XPO1: variants seen among roughly 807,000 people sequenced by gnomAD.
XPO1 encodes the protein exportin 1.
XPO1 carries 5 observed loss-of-function variants against 133.3 expected under a neutral mutation model. That is an observed-to-expected ratio of 0.04 (90% CI 0.02 to 0.08). The LOEUF is 0.08. Ranked by LOEUF, XPO1 falls within the 10% of genes least tolerant of loss-of-function variation. XPO1 has a pLI of 1.00. For missense variants in XPO1, 506 were observed against 1,267.5 expected, an observed-to-expected ratio of 0.40 and a Z score of 9.12; for synonymous variants, 419 against 408.2, an observed-to-expected ratio of 1.03 and a Z score of -0.32.
Position 61,492,304 on chromosome 2 carries a change from A to G in XPO1, c.1723+21T>C. The G allele has an allele frequency of 6.3e-7, 1 of 1,583,092 alleles. No individual in the cohort carries two copies. Among genetic ancestry groups the G allele is most frequent in the Non-Finnish European group, 8.5e-7 (1 of 1,171,076 alleles). On this transcript the variant is annotated intron_variant, in intron 15 of 24. Transcript: ENST00000401558. The surrounding 1 kb of genome is among the most constrained non-coding windows in gnomAD (Gnocchi z 5.6). ...TCTTCAATAAAAATAAAAGCAAAATATAGTAAAGAAAGAGATTTACCATGC... is the reference window on the plus strand; with the variant it reads ...TCTTCAATAAAAATAAAAGCAAAATGTAGTAAAGAAAGAGATTTACCATGC...
intron 10 of XPO1, 116 bp from the exon 11 acceptor site, chr2:61,495,729 T>C: frequency 9.3e-7 from 1 of 1,073,902 alleles, no homozygotes; most frequent in Non-Finnish European, 1.2e-6. Flanking sequence ...TGGAGTGCAG[T>C]GGTATGACCA....
chr2:61,522,520 A>G, intron 4 of XPO1, 91 bp downstream of exon 4: 2 of 1,136,148 alleles, frequency 1.8e-6, no homozygotes, highest in Admixed American at 2.0e-5. Flanking sequence ...AAATATACTA[A>G]AGATTCATTA....
At chr2:61,528,520 C>T (rs780471653) in intron 2 of XPO1, among the ~76,000 whole-genome samples, 1 of 151,666 alleles carries the variant, frequency 6.6e-6, no homozygotes, top group Admixed American at 6.6e-5. Flanking sequence ...ATAGTCCCAG[C>T]TACTCGGGAG....
intron 11 of XPO1, among the ~76,000 whole-genome samples, 186 bp downstream of exon 11, chr2:61,495,269 G>A (rs1697191043): frequency 6.6e-6 from 1 of 151,992 alleles, no homozygotes; most frequent in Non-Finnish European, 1.5e-5. Context: ...CTAGCTTTAT[G>A]GAGAACATAA....
rs1163597698 is a variant in XPO1, at chr2:61,510,937, CAAAAAAAAA to C, written c.302-8636_302-8628del. 2.3e-4 allele frequency among the ~76,000 whole-genome samples: 14 copies of C among 61,246 alleles called. No individual in the cohort carries two copies. In the East Asian group the frequency reaches 5.7e-3, roughly 25 times the overall value. The allele number at this position is 61,246 out of a possible 152,430, so 40.2% of individuals were successfully genotyped here. On this transcript the variant is annotated intron_variant, in intron 4 of 24. Coordinates refer to ENST00000401558, the MANE Select transcript of XPO1 (RefSeq NM_003400.4). ...TGGGCGACAGCGTGAGACCTTATCT[CAAAAAAAAA>C]AAAAAAAAAAAAAGTTACATGGATG...
chr2:61,506,193 G>C (rs780420672), intron 4 of XPO1, among the ~76,000 whole-genome samples: 3 of 152,182 alleles, frequency 2.0e-5, no homozygotes, highest in Non-Finnish European at 4.4e-5. Flanking sequence ...GGCCGAGGCA[G>C]GCAGATCACT....
At chr2:61,486,245 C>G (rs905517273) in intron 19 of XPO1, among the ~76,000 whole-genome samples, 2 of 151,926 alleles carry the variant, frequency 1.3e-5, no homozygotes, top group African/African-American at 2.4e-5. Flanking sequence ...CAAATCTCTG[C>G]TCACTGCAAC....
rs559624707 is a variant in XPO1 at position 61,482,597 on chromosome 2, GTT to G, written c.2813-60_2813-59del. 11,896 of 1,194,990 alleles carry G rather than the reference GTT, an allele frequency of 1.0e-2. 91 individuals are homozygous for G. Among genetic ancestry groups the G allele is most frequent in the Non-Finnish European group, 0.012 (10,886 of 910,666 alleles). The allele number at this position is 1,194,990 out of a possible 1,614,324, so 74.0% of individuals were successfully genotyped here. ...ATGTAATATAACTATAGATCTTAGC[GTT>G]TTTTTTTGTTTTGTTTTTTTTTTTT... is the stretch of plus-strand genomic sequence containing the variant. On this transcript the variant is annotated intron_variant, in intron 22 of 24. Coordinates refer to ENST00000401558, the MANE Select transcript of XPO1 (RefSeq NM_003400.4).
intron 4 of XPO1, among the ~76,000 whole-genome samples, chr2:61,515,937 CCACACACACACACACACACA>C (rs35237510): frequency 7.2e-5 from 8 of 110,776 alleles, no homozygotes; most frequent in Admixed American, 6.6e-4. Flanking sequence ...AAAAAAAAAA[CCACACACACACACACACACA>C]CACACACACA....
chr2:61,504,570 G>C (rs1234911793), intron 4 of XPO1, among the ~76,000 whole-genome samples: 1 of 152,176 alleles, frequency 6.6e-6, no homozygotes, highest in Non-Finnish European at 1.5e-5. Context: ...TTTTGGAAAA[G>C]CAGTTAAAGG....
At chr2:61,532,457 A>T (rs1252730979) in intron 2 of XPO1, among the ~76,000 whole-genome samples, 3 of 152,042 alleles carry the variant, frequency 2.0e-5, no homozygotes. Flanking sequence ...TGCAAATATA[A>T]ATATCTTGAC....
rs1313763577 is a variant in XPO1, at chr2:61,527,631, C to T, written c.127-1110G>A. Among the ~76,000 whole-genome samples the T allele has an allele frequency of 7.9e-5, 12 of 152,254 alleles. No homozygotes were observed. In the South Asian group the frequency reaches 2.5e-3, roughly 32 times the overall value. ...TGCTGAAAACTAGGTCTAATTAAAC[C>T]ACAAATCCCAAATACTTACATACCA... On this transcript the variant is annotated intron_variant, in intron 2 of 24. Coordinates refer to ENST00000401558, the MANE Select transcript of XPO1 (RefSeq NM_003400.4).
chr2:61,534,346 A>G (rs1229313155), intron 1 of XPO1: 1 of 152,572 alleles, frequency 6.6e-6, no homozygotes, highest in Non-Finnish European at 1.5e-5. Flanking sequence ...AACTCAGTAA[A>G]AGCTCACTTC....
chr2:61,489,728 G>T (rs1471404482), intron 17 of XPO1, among the ~76,000 whole-genome samples: 30 of 151,068 alleles, frequency 2.0e-4, no homozygotes, highest in Non-Finnish European at 2.9e-5. Context: ...GCTAATTTTT[G>T]TATTTTTAGT....
chr2:61,527,520 G>A (rs1163485939), intron 2 of XPO1, among the ~76,000 whole-genome samples: 1 of 151,996 alleles, frequency 6.6e-6, no homozygotes, highest in Non-Finnish European at 1.5e-5. Context: ...ACCTACTTAG[G>A]TAAGTTATGT....
chr2:61,479,763 A>G (rs1036284099), intron 24 of XPO1, among the ~76,000 whole-genome samples: 42 of 152,028 alleles, frequency 2.8e-4, no homozygotes, highest in African/African-American at 9.4e-4. Flanking sequence ...TAGTTTCACC[A>G]TGTTGCCCAG....
At chr2:61,517,446 G>C (rs1698449769) in intron 4 of XPO1, among the ~76,000 whole-genome samples, 1 of 152,176 alleles carries the variant, frequency 6.6e-6, no homozygotes, top group African/African-American at 2.4e-5. Flanking sequence ...TTAGCTGGGT[G>C]TGGTGGCACA....
At chr2:61,495,407 T>C (rs774196632) in intron 11 of XPO1, 48 bp downstream of exon 11, 6 of 1,453,374 alleles carry the variant, frequency 4.1e-6, no homozygotes, top group African/African-American at 2.8e-5. Flanking sequence ...TTAAGAGTTA[T>C]TAGTAGGCAG....
intron 10 of XPO1, among the ~76,000 whole-genome samples, chr2:61,496,543 T>TTTAATAGATAACCAA (rs1263513862): frequency 1.3e-5 from 2 of 152,170 alleles, no homozygotes; most frequent in African/African-American, 4.8e-5. Context: ...TTCTAGATCA[T>TTTAATAGATAACCAA]TTAATAGATA....
Sources: gnomAD v4.1 joint callset for allele counts (sites outside exome capture counted in the v4.1 genomes callset) on GRCh38, gnomAD v4.1.1 for gene constraint, Gnocchi (gnomAD v3.1) non-coding constraint, MANE v1.5 for transcripts, NCBI Gene and HGNC (gene_info 2026-07-23, HGNC 2026-07-21) for gene names.